Variants in PRKN observed in about 807,000 individuals in gnomAD.
The protein encoded by PRKN is parkin RBR E3 ubiquitin protein ligase.
Under a neutral mutation model 59.5 loss-of-function variants are expected in PRKN, and 56 were observed. The ratio of observed to expected loss-of-function variants is 0.94; its 90% CI spans 0.76 to 1.18. The LOEUF (loss-of-function observed/expected upper bound fraction) is 1.18. PRKN is among the 50% of genes most tolerant of loss of function. PRKN has a pLI of 0.00. For missense variants in PRKN, 657 were observed against 596.4 expected, an observed-to-expected ratio of 1.10 and a Z score of -1.06; for synonymous variants, 250 against 222.1, an observed-to-expected ratio of 1.13 and a Z score of -1.12.
intron 6 of PRKN, among the ~76,000 whole-genome samples, chr6:161,891,660 C>A (rs1051825295): frequency 1.3e-5 from 2 of 152,174 alleles, no homozygotes; most frequent in African/African-American, 4.8e-5. Flanking sequence ...TGTGGCCAGA[C>A]TACAGGGGAT....
At chr6:161,532,706 G>A (rs114024034) in intron 9 of PRKN, among the ~76,000 whole-genome samples, 174 of 152,254 alleles carry the variant, frequency 1.1e-3, no homozygotes, top group African/African-American at 4.0e-3. Flanking sequence ...TGGTAATATG[G>A]CTGGAATGTC....
At chr6:161,574,270 C>A (rs1288275187) in intron 7 of PRKN, among the ~76,000 whole-genome samples, 5 of 152,078 alleles carry the variant, frequency 3.3e-5, no homozygotes, top group East Asian at 1.9e-4. Context: ...AGAATGCATT[C>A]GCGTAGGGAG....
At chr6:161,903,198 C>T (rs1432157940) in intron 6 of PRKN, among the ~76,000 whole-genome samples, 1 of 152,200 alleles carries the variant, frequency 6.6e-6, no homozygotes, top group Non-Finnish European at 1.5e-5. Context: ...GAGGCGGCTG[C>T]ACTGGCTCTA....
At chr6:162,421,618 C>G (rs895588336) in intron 2 of PRKN, among the ~76,000 whole-genome samples, 1 of 152,260 alleles carries the variant, frequency 6.6e-6, no homozygotes, top group Non-Finnish European at 1.5e-5. Flanking sequence ...TGGCTAGCTA[C>G]TCATTAACAA....
rs1025086888 is a variant in PRKN at position 161,413,272 on chromosome 6, C to T, written c.1084-26395G>A. Among the ~76,000 whole-genome samples, 3 of 152,150 alleles carry T rather than the reference C, an allele frequency of 2.0e-5. No individual in the cohort carries two copies. Among genetic ancestry groups the T allele is most frequent in the East Asian group, 1.9e-4 (1 of 5,182 alleles). On this transcript the variant is annotated intron_variant, in intron 9 of 11. Transcript: ENST00000366898. The surrounding 1 kb of genome is among the most constrained non-coding windows in gnomAD (Gnocchi z 4.4). ...GGTCTGGAGGGTCTGTAAGACTCCC[C>T]GTGACATTCCTGTTCCTTGTTCCAC...
intron 9 of PRKN, among the ~76,000 whole-genome samples, chr6:161,523,345 T>C (rs1264556419): frequency 1.3e-5 from 2 of 152,220 alleles, no homozygotes; most frequent in African/African-American, 2.4e-5. Flanking sequence ...ATCAATCATA[T>C]TGCCAGGGAT....
At chr6:161,849,343 G>A (rs1793332042) in intron 6 of PRKN, among the ~76,000 whole-genome samples, 1 of 152,066 alleles carries the variant, frequency 6.6e-6, no homozygotes, top group African/African-American at 2.4e-5. Context: ...GGTGTTGACA[G>A]GTTTTAAAAT....
intron 9 of PRKN, among the ~76,000 whole-genome samples, chr6:161,541,287 G>A (rs1418726734): frequency 6.6e-6 from 1 of 152,120 alleles, no homozygotes; most frequent in African/African-American, 2.4e-5. Flanking sequence ...AGCCATATGT[G>A]GCTAAAGGCT....
chr6:161,899,231 T>A (rs1777787679), intron 6 of PRKN, among the ~76,000 whole-genome samples: 1 of 152,202 alleles, frequency 6.6e-6, no homozygotes, highest in Admixed American at 6.5e-5. Flanking sequence ...TAAATATATT[T>A]CCCATTGTCC....
At position 161,821,336 on chromosome 6, in the gene PRKN, T is replaced by A. The variant is rs142258217; in HGVS notation, c.735-35428A>T. ...GAATTATCCTGTGCATATCGATCCA[T>A]CTTGGAGATCTTTCCTAGCCCGTAC... On this transcript the variant is annotated intron_variant, in intron 6 of 11. Transcript: ENST00000366898. 3.0e-3 allele frequency among the ~76,000 whole-genome samples: 464 copies of A among 152,236 alleles called. 2 individuals are homozygous for A. Among genetic ancestry groups the A allele is most frequent in the African/African-American group, 0.011 (440 of 41,538 alleles).
intron 2 of PRKN, among the ~76,000 whole-genome samples, chr6:162,418,147 C>T (rs1788740815): frequency 6.6e-6 from 1 of 152,098 alleles, no homozygotes; most frequent in East Asian, 1.9e-4. Context: ...AAATATGGTA[C>T]ATACATACAA....
chr6:162,695,360 A>T (rs748887657), intron 1 of PRKN, among the ~76,000 whole-genome samples: 14 of 152,178 alleles, frequency 9.2e-5, no homozygotes, highest in South Asian at 4.1e-4. Flanking sequence ...AAGGGTAAGT[A>T]TCATTAAGAA....
chr6:161,559,063 A>C (rs1244620221), intron 8 of PRKN, among the ~76,000 whole-genome samples: 1 of 135,984 alleles, frequency 7.4e-6, no homozygotes, highest in Non-Finnish European at 1.7e-5. Flanking sequence ...AAAAAAAAAA[A>C]AAACCAGTAA....
At chr6:162,205,312 T>C (rs1159894962) in intron 3 of PRKN, among the ~76,000 whole-genome samples, 2 of 152,218 alleles carry the variant, frequency 1.3e-5, no homozygotes, top group Non-Finnish European at 2.9e-5. Flanking sequence ...GAAAATAGTA[T>C]ATTTTATTTG....
At chr6:162,010,388 TATAA>T (rs1417825598) in intron 5 of PRKN, among the ~76,000 whole-genome samples, 1 of 93,542 alleles carries the variant, frequency 1.1e-5, no homozygotes, top group African/African-American at 4.6e-5. Context: ...ATATATAATA[TATAA>T]ATAATATACA....
At chr6:161,886,300 T>C (rs1795145440) in intron 6 of PRKN, among the ~76,000 whole-genome samples, 1 of 152,218 alleles carries the variant, frequency 6.6e-6, no homozygotes, top group Non-Finnish European at 1.5e-5. Context: ...AGGTTTTTCA[T>C]TAATAATTTC....
intron 6 of PRKN, among the ~76,000 whole-genome samples, chr6:161,819,315 A>G (rs907092628): frequency 3.9e-5 from 6 of 151,936 alleles, no homozygotes; most frequent in Admixed American, 3.9e-4. Context: ...ACATGGTGAA[A>G]CCCTATCTCT....
In PRKN at chr6:161,373,976, ACTCC is replaced by A. The variant is rs976863932; in HGVS notation, c.1167+12814_1167+12817del. ...TGGGGTGCCTTTCAAAGTGGCGTTC[ACTCC>A]CTTTTCCCCCAGGTCATTTTATTTT... On this transcript the variant is annotated intron_variant, in intron 10 of 11. Transcript: ENST00000366898. The surrounding 1 kb of genome is among the most constrained non-coding windows in gnomAD (Gnocchi z 4.8). 3.9e-5 allele frequency among the ~76,000 whole-genome samples: 6 copies of A among 151,962 alleles called. No homozygotes were observed. Among genetic ancestry groups the A allele is most frequent in the African/African-American group, 7.3e-5 (3 of 41,342 alleles).
rs1562460616 is a variant in PRKN, at chr6:161,454,908, C to T, written c.1084-68031G>A. Reference sequence around the variant, plus strand: ...CTCAGTTTCTCTGTCTTTTCTTCCCCAGCTATATTTTTCTTCATAACACTG... The same window carrying T: ...CTCAGTTTCTCTGTCTTTTCTTCCCTAGCTATATTTTTCTTCATAACACTG... On this transcript the variant is annotated intron_variant, in intron 9 of 11. Coordinates refer to ENST00000366898, the MANE Select transcript of PRKN (RefSeq NM_004562.3). This position sits in a 1 kb window ranked among gnomAD's most constrained non-coding sequence, Gnocchi z 4.6. Among the ~76,000 whole-genome samples the T allele has an allele frequency of 1.3e-5, 2 of 152,168 alleles. No homozygotes were observed. Among genetic ancestry groups the T allele is most frequent in the Non-Finnish European group, 2.9e-5 (2 of 68,026 alleles).
Sources: allele counts gnomAD v4.1 joint callset (sites outside exome capture counted in the v4.1 genomes callset), GRCh38; gene constraint gnomAD v4.1.1; non-coding constraint Gnocchi (gnomAD v3.1); transcripts MANE v1.5; gene names NCBI Gene and HGNC (gene_info 2026-07-23, HGNC 2026-07-21).